The following DLEC1 variants were observed in gnomAD, a reference collection of about 807,000 sequenced individuals.
DLEC1 encodes DLEC1 cilia and flagella associated protein.
Under a neutral mutation model 198.1 loss-of-function variants are expected in DLEC1, and 146 were observed. That is an observed-to-expected ratio of 0.74 (90% confidence interval 0.64 to 0.85). DLEC1 has a LOEUF of 0.85. Ranked by LOEUF, DLEC1 falls within the 40% of genes least tolerant of loss-of-function variation. DLEC1 has a pLI of 0.00. For synonymous variants in DLEC1, 897 were observed against 866.8 expected (o/e 1.03, Z -0.61); for missense variants, 2,233 against 2,220.0 (o/e 1.01, Z -0.12).
At chr3:38,065,211 G>C (rs935888386) in intron 6 of DLEC1, among the ~76,000 whole-genome samples, 4 of 152,372 alleles carry the variant, frequency 2.6e-5, no homozygotes, top group African/African-American at 9.6e-5. Context: ...GGCGGCGCAC[G>C]CCTGCAATCG....
chr3:38,115,864 CAG>C (rs1700129110), intron 27 of DLEC1, among the ~76,000 whole-genome samples: 1 of 151,916 alleles, frequency 6.6e-6, no homozygotes, highest in Non-Finnish European at 1.5e-5. Flanking sequence ...TGGGGAGCCC[CAG>C]CTTAGGTTGG....
chr3:38,078,562 A>T (rs1057479564), intron 6 of DLEC1, among the ~76,000 whole-genome samples: 2 of 152,142 alleles, frequency 1.3e-5, no homozygotes, highest in African/African-American at 2.4e-5. Flanking sequence ...GTGTGTTTTT[A>T]TGAGAATTAT....
At chr3:38,068,339 T>C (rs1044690712) in intron 6 of DLEC1, among the ~76,000 whole-genome samples, 1 of 152,060 alleles carries the variant, frequency 6.6e-6, no homozygotes, top group Non-Finnish European at 1.5e-5. Flanking sequence ...AAGCAACTCC[T>C]CCCAACTCAG....
chr3:38,092,632 A>C (rs1017541570), intron 10 of DLEC1, among the ~76,000 whole-genome samples, 158 bp from the exon 11 acceptor site: 4 of 152,022 alleles, frequency 2.6e-5, no homozygotes, highest in Non-Finnish European at 5.9e-5. Context: ...AGCTAGGGTA[A>C]AACACTTGGC....
At chr3:38,064,984 A>T (rs576207716) in intron 6 of DLEC1, among the ~76,000 whole-genome samples, 2 of 152,318 alleles carry the variant, frequency 1.3e-5, no homozygotes, top group East Asian at 3.9e-4. Context: ...AGGCCAAGGC[A>T]GGCGGCTGGG....
chr3:38,108,991 A>T (rs1352724461), intron 21 of DLEC1, among the ~76,000 whole-genome samples: 1 of 152,208 alleles, frequency 6.6e-6, no homozygotes, highest in Non-Finnish European at 1.5e-5. Flanking sequence ...TGGGAAAAGA[A>T]ACTTCCTCCT....
At chr3:38,094,508 A>G (rs909073231) in intron 12 of DLEC1, among the ~76,000 whole-genome samples, 6 of 152,192 alleles carry the variant, frequency 3.9e-5, no homozygotes, top group Non-Finnish European at 5.9e-5. Flanking sequence ...TTGGAAACTC[A>G]TGTGGTGAGA....
intron 2 of DLEC1, among the ~76,000 whole-genome samples, chr3:38,059,216 T>C (rs1696545890): frequency 6.6e-6 from 1 of 152,186 alleles, no homozygotes; most frequent in African/African-American, 2.4e-5. Flanking sequence ...TCAGGTCTGC[T>C]CTGGATTCCC....
intron 2 of DLEC1, among the ~76,000 whole-genome samples, chr3:38,047,535 G>C (rs1239103466): frequency 1.3e-5 from 2 of 152,100 alleles, no homozygotes; most frequent in East Asian, 3.8e-4. Flanking sequence ...ATCAAAATTG[G>C]GTTGTTTTTC....
At chr3:38,092,339 G>C in intron 10 of DLEC1, among the ~76,000 whole-genome samples, 1 of 152,254 alleles carries the variant, frequency 6.6e-6, no homozygotes, top group African/African-American at 2.4e-5. Context: ...TTAAATAATT[G>C]AACTCATAAA....
At chr3:38,111,923 G>A (rs547679850) in intron 24 of DLEC1, among the ~76,000 whole-genome samples, 176 bp downstream of exon 24, 1 of 152,314 alleles carries the variant, frequency 6.6e-6, no homozygotes, top group South Asian at 2.1e-4. Context: ...CCCTTCTAGG[G>A]CACAGGCTCA....
intron 6 of DLEC1, among the ~76,000 whole-genome samples, chr3:38,072,692 C>G (rs938642353): frequency 6.6e-6 from 1 of 152,138 alleles, no homozygotes; most frequent in African/African-American, 2.4e-5. Context: ...AATATCTAAC[C>G]ATGCCTAGGA....
Position 38,093,665 on chromosome 3 carries a change from A to G in DLEC1, c.1817A>G (p.Asp606Gly). ...IYISGEKSQP[D>G]PGELTDLTAQ... is the part of the protein sequence containing the mutation. ...ATTTCTGGTGAAAAAAGCCAGCCAG[A>G]CCCTGGAGAGCTCACAGACTTAACA... Residue 606 changes from aspartate to glycine, a missense_variant, in exon 12 of 37, where the codon GAC (aspartate) becomes GGC (glycine). Transcript: ENST00000308059. The G allele has an allele frequency of 6.2e-7, 1 of 1,614,150 alleles. No individual in the cohort carries two copies. Among genetic ancestry groups the G allele is most frequent in the African/African-American group, 1.3e-5 (1 of 75,018 alleles).
Position 38,059,865 on chromosome 3 carries a change from T to A in DLEC1, c.673+13T>A. 6.2e-7 allele frequency: 1 copy of A among 1,611,516 alleles called. No homozygotes were observed. Among genetic ancestry groups the A allele is most frequent in the Non-Finnish European group, 8.5e-7 (1 of 1,178,134 alleles). On this transcript the variant is annotated intron_variant, in intron 3 of 36. Coordinates refer to ENST00000308059, the MANE Select transcript of DLEC1 (RefSeq NM_007335.4). ...TCTGCACCTAAAGGTAATGCTTCTG[T>A]GCTCTCAAGGCCTCTGATACCATTT... is the stretch of plus-strand genomic sequence containing the variant.
At chr3:38,072,118 A>T (rs1319446623) in intron 6 of DLEC1, among the ~76,000 whole-genome samples, 3 of 152,156 alleles carry the variant, frequency 2.0e-5, no homozygotes, top group Admixed American at 6.5e-5. Flanking sequence ...TGGATCAGAG[A>T]GATGCAGTCA....
rs1311758367 is a variant in DLEC1, at chr3:38,112,582, C to T, written c.3666+221C>T. 6.6e-6 allele frequency among the ~76,000 whole-genome samples: 1 copy of T among 152,206 alleles called. No homozygotes were observed. ...GGAGGGGTCCTCATAAGCAGTAGAA[C>T]TTTCCACACCTTTTCCCAGGAGATG... is the stretch of plus-strand genomic sequence containing the variant. On this transcript the variant is annotated intron_variant, in intron 25 of 36. Coordinates refer to ENST00000308059, the MANE Select transcript of DLEC1 (RefSeq NM_007335.4). This position sits in a 1 kb window ranked among gnomAD's most constrained non-coding sequence, Gnocchi z 4.8.
chr3:38,054,446 G>A (rs1219179263), intron 2 of DLEC1, among the ~76,000 whole-genome samples: 1 of 152,182 alleles, frequency 6.6e-6, no homozygotes, highest in African/African-American at 2.4e-5. Flanking sequence ...GAGGTTCCTG[G>A]GTCCTTGGAG....
intron 6 of DLEC1, among the ~76,000 whole-genome samples, chr3:38,066,271 C>G (rs908275806): frequency 2.6e-5 from 4 of 152,184 alleles, no homozygotes; most frequent in African/African-American, 9.7e-5. Context: ...TTTCTTCAAT[C>G]AGGGCTTACA....
chr3:38,064,790 G>A (rs1429548825), intron 6 of DLEC1, among the ~76,000 whole-genome samples: 1 of 151,592 alleles, frequency 6.6e-6, no homozygotes, highest in African/African-American at 2.4e-5. Context: ...GGGCGGCCGG[G>A]CAGAGACGCT....
Sources: gnomAD v4.1 joint callset for allele counts (sites outside exome capture counted in the v4.1 genomes callset) on GRCh38, gnomAD v4.1.1 for gene constraint, Gnocchi (gnomAD v3.1) non-coding constraint, MANE v1.5 for transcripts, NCBI Gene and HGNC (gene_info 2026-07-23, HGNC 2026-07-21) for gene names.